GPN2: variants seen among roughly 807,000 people sequenced by gnomAD.
GPN2 encodes ATP-binding domain 1 family member B.
Under a neutral mutation model 30.1 loss-of-function variants are expected in GPN2, and 27 were observed. The ratio of observed to expected loss-of-function variants is 0.90; its 90% CI spans 0.66 to 1.24. The LOEUF (loss-of-function observed/expected upper bound fraction) is 1.24, where lower values mean the gene tolerates loss of function less well. Ranked by LOEUF, GPN2 falls within the 50% of genes most tolerant of loss-of-function variation. The pLI is 0.00. For synonymous variants in GPN2, 212 were observed against 174.4 expected, an observed-to-expected ratio of 1.22 and a Z score of -1.70; for missense variants, 406 against 405.4, an observed-to-expected ratio of 1.00 and a Z score of -0.01.
intron 4 of GPN2, among the ~76,000 whole-genome samples, chr1:26,882,522 C>T (rs2081869656): frequency 6.6e-6 from 1 of 152,208 alleles, no homozygotes; most frequent in Non-Finnish European, 1.5e-5. Flanking sequence ...AACCCCGACC[C>T]CATGAGCTTT....
chr1:26,882,121 G>A (rs1482440306), intron 4 of GPN2, among the ~76,000 whole-genome samples: 1 of 151,740 alleles, frequency 6.6e-6, no homozygotes, highest in African/African-American at 2.4e-5. Flanking sequence ...GGAGGCTGAG[G>A]CAGGAGAATT....
At chr1:26,887,837 A>G (rs1260941860) in intron 2 of GPN2, among the ~76,000 whole-genome samples, 2 of 150,816 alleles carry the variant, frequency 1.3e-5, no homozygotes, top group African/African-American at 4.9e-5. Flanking sequence ...CTGGGATTAC[A>G]GGCGTGAGCC....
At chr1:26,887,116 C>T (rs1251034266) in intron 2 of GPN2, among the ~76,000 whole-genome samples, 2 of 151,802 alleles carry the variant, frequency 1.3e-5, no homozygotes, top group African/African-American at 2.4e-5. Flanking sequence ...CTGGCACATA[C>T]ACTGCAAAGA....
Position 26,889,848 on chromosome 1 carries a change from G to A in GPN2, c.249C>T (p.Tyr83=). Residue 83 remains tyrosine (Y), a synonymous_variant, in exon 1 of 5, where the codon TAC becomes TAT. Transcript: ENST00000374135. ...LRLGPNGGLL[Y]CMEYLEANLD... ...GGTTGGCTTCCAGGTACTCCATGCA[G>A]TAGAGCAGGCCGCCGTTGGGCCCCA... The A allele has an allele frequency of 1.2e-6, 2 of 1,613,324 alleles. No individual in the cohort carries two copies. Among genetic ancestry groups the A allele is most frequent in the Admixed American group, 1.7e-5 (1 of 60,014 alleles).
chr1:26,887,126 A>T (rs2081895089), intron 2 of GPN2, among the ~76,000 whole-genome samples: 1 of 152,060 alleles, frequency 6.6e-6, no homozygotes, highest in African/African-American at 2.4e-5. Context: ...CACTGCAAAG[A>T]CTCTGTAAAT....
At chr1:26,881,569 C>T (rs2081864847) in intron 4 of GPN2, among the ~76,000 whole-genome samples, 1 of 152,166 alleles carries the variant, frequency 6.6e-6, no homozygotes, top group African/African-American at 2.4e-5. Flanking sequence ...TGGTGAAACC[C>T]CATCTCTACA....
In GPN2 at chr1:26,890,254, A is replaced by T; in HGVS notation, c.-158T>A. On this transcript the variant is annotated 5_prime_UTR_variant, in exon 1 of 5. Coordinates refer to ENST00000374135, the MANE Select transcript of GPN2 (RefSeq NM_018066.4). Reference sequence around the variant, plus strand: ...AACAGCTGAGACCGTGTCGCGCAAAAGGAGATAACAGGCCGATACTAACTA... The same window carrying T: ...AACAGCTGAGACCGTGTCGCGCAAATGGAGATAACAGGCCGATACTAACTA... The T allele has an allele frequency of 1.6e-6, 1 of 629,856 alleles. No homozygotes were observed. The highest frequency in any genetic ancestry group is 3.0e-5 in the East Asian group (1 of 33,582). 39.0% of individuals were successfully genotyped at this position (629,856 alleles called of 1,614,324 possible).
At position 26,884,243 on chromosome 1, in the gene GPN2, A is replaced by G. The variant is rs758076239; in HGVS notation, c.777T>C (p.Asn259=). ...GCTCTTGGGCTCTGAAACAGTATCCATTGGCTTTATCCACAGCCTGCAGGA... is the reference window on the plus strand; with the variant it reads ...GCTCTTGGGCTCTGAAACAGTATCCGTTGGCTTTATCCACAGCCTGCAGGA... ...QRVLQAVDKA[N]GYCFRAQEQR... is the part of the protein sequence containing the mutation. Residue 259 remains asparagine (N), a synonymous_variant, in exon 4 of 5, where the codon AAT becomes AAC. Transcript: ENST00000374135. 2.5e-6 allele frequency: 4 copies of G among 1,613,914 alleles called. No homozygotes were observed. The highest frequency in any genetic ancestry group is 3.3e-5 in the Admixed American group (2 of 59,974).
At chr1:26,880,632 A>G (rs558519914) in intron 4 of GPN2, among the ~76,000 whole-genome samples, 3 of 146,320 alleles carry the variant, frequency 2.1e-5, no homozygotes, top group South Asian at 4.3e-4. Flanking sequence ...TTTATACTTT[A>G]AAAAAAAAAA....
At chr1:26,884,076 A>AGGT in intron 4 of GPN2, 84 bp downstream of exon 4, 1 of 1,121,436 alleles carries the variant, frequency 8.9e-7, no homozygotes, top group Non-Finnish European at 1.3e-6. Context: ...GTCATCCACA[A>AGGT]GGTTGATGAC....
intron 4 of GPN2, among the ~76,000 whole-genome samples, chr1:26,881,691 G>A (rs985683926): frequency 1.3e-5 from 2 of 152,056 alleles, no homozygotes; most frequent in Admixed American, 6.6e-5. Context: ...CTGAGATCAC[G>A]CCACTGCACT....
chr1:26,877,281 T>C lies in GPN2; in HGVS notation c.*2396A>G, dbSNP rs1317256980. ...GGCGTGGGAGCTGAGGTTGCTTTCA[T>C]ACTGTTCCAGCCACAGTAGCCTCCT... is the stretch of plus-strand genomic sequence containing the variant. On this transcript the variant is annotated 3_prime_UTR_variant, in exon 5 of 5. Transcript: ENST00000374135. 6.6e-6 allele frequency: 1 copy of C among 152,260 alleles called. No individual in the cohort carries two copies. The highest frequency in any genetic ancestry group is 1.5e-5 in the Non-Finnish European group (1 of 68,072). 9.4% of individuals were successfully genotyped at this position (152,260 alleles called of 1,614,324 possible).
chr1:26,878,522 C>G lies in GPN2; in HGVS notation c.*1155G>C, dbSNP rs945864394. ...TCTCGAACTCCTGACCTCAGGTGATCCGCCCGCCTCAGCCTCCCAAAGTGC... is the reference window on the plus strand; with the variant it reads ...TCTCGAACTCCTGACCTCAGGTGATGCGCCCGCCTCAGCCTCCCAAAGTGC... On this transcript the variant is annotated 3_prime_UTR_variant, in exon 5 of 5. Coordinates refer to ENST00000374135, the MANE Select transcript of GPN2 (RefSeq NM_018066.4). The G allele has an allele frequency of 1.3e-5, 2 of 151,502 alleles. No homozygotes were observed. The highest frequency in any genetic ancestry group is 2.9e-5 in the Non-Finnish European group (2 of 67,910). 9.4% of individuals were successfully genotyped at this position (151,502 alleles called of 1,614,324 possible). A position where few individuals can be genotyped will look rare whatever the true frequency, so the allele number is the denominator to read the frequency against.
intron 3 of GPN2, 105 bp downstream of exon 3, chr1:26,885,868 C>A: frequency 1.1e-6 from 1 of 898,934 alleles, no homozygotes; most frequent in South Asian, 1.6e-5. Flanking sequence ...CTTGAGCAAC[C>A]GCGCCCAGCC....
chr1:26,888,883 C>A, intron 2 of GPN2, 86 bp downstream of exon 2: 1 of 1,371,236 alleles, frequency 7.3e-7, no homozygotes, highest in Non-Finnish European at 1.0e-6. Flanking sequence ...ACGCAAGGCA[C>A]CAGAGGCAGC....
At chr1:26,887,447 C>T (rs1286813676) in intron 2 of GPN2, among the ~76,000 whole-genome samples, 1 of 152,214 alleles carries the variant, frequency 6.6e-6, no homozygotes, top group South Asian at 2.1e-4. Flanking sequence ...CGACACCTCC[C>T]TTTCCCAACA....
chr1:26,889,267 TCCTTCTCC>T, intron 1 of GPN2, 142 bp from the exon 2 acceptor site: 2 of 685,760 alleles, frequency 2.9e-6, no homozygotes, highest in Non-Finnish European at 4.9e-6. Flanking sequence ...CACCCTGGTT[TCCTTCTCC>T]CAGGAAATAG....
Position 26,879,476 on chromosome 1 carries a change from C to T in GPN2, c.*201G>A. On this transcript the variant is annotated 3_prime_UTR_variant, in exon 5 of 5. Coordinates refer to ENST00000374135, the MANE Select transcript of GPN2 (RefSeq NM_018066.4). ...TGGCAGGGCCCAGAGCTCACGGACA[C>T]CACTGACAGTATGGGGGGTGTTCTG... The T allele has an allele frequency of 3.4e-6, 2 of 587,300 alleles. No individual in the cohort carries two copies. Among genetic ancestry groups the T allele is most frequent in the South Asian group, 4.0e-5 (2 of 50,428 alleles). The allele number at this position is 587,300 out of a possible 1,614,324, so 36.4% of individuals were successfully genotyped here. A position where few individuals can be genotyped will look rare whatever the true frequency, so the allele number is the denominator to read the frequency against.
At chr1:26,886,361 C>A in intron 2 of GPN2, 2 of 587,374 alleles carry the variant, frequency 3.4e-6, no homozygotes, top group Admixed American at 4.4e-5. Context: ...AGATTAAATG[C>A]TATAAACCCC....
Sources: allele counts gnomAD v4.1 joint callset (sites outside exome capture counted in the v4.1 genomes callset), GRCh38; gene constraint gnomAD v4.1.1; transcripts MANE v1.5; gene names NCBI Gene and HGNC (gene_info 2026-07-23, HGNC 2026-07-21).